Variants in TNFRSF8 observed in about 807,000 individuals in gnomAD.
TNFRSF8 encodes tumor necrosis factor receptor superfamily member 8.
Under a neutral mutation model 70.8 loss-of-function variants are expected in TNFRSF8, and 26 were observed. That is an observed-to-expected ratio of 0.37 (90% CI 0.27 to 0.51). TNFRSF8 has a LOEUF of 0.51. TNFRSF8 is among the 20% of genes least tolerant of loss of function. TNFRSF8 has a pLI of 0.94. For synonymous variants in TNFRSF8, 356 were observed against 339.2 expected (o/e 1.05, Z -0.54); for missense variants, 720 against 807.9 (o/e 0.89, Z 1.32).
chr1:12,095,292 T>TC (rs1199603797), intron 2 of TNFRSF8, among the ~76,000 whole-genome samples: 1 of 150,728 alleles, frequency 6.6e-6, no homozygotes, highest in East Asian at 1.9e-4. Flanking sequence ...ACTGTATCTT[T>TC]TTTTTTTTTT....
chr1:12,112,814 G>A lies in TNFRSF8; in HGVS notation c.793+800G>A, dbSNP rs756765087. On this transcript the variant is annotated intron_variant, in intron 7 of 14. Transcript: ENST00000263932. The surrounding 1 kb of genome is among the most constrained non-coding windows in gnomAD (Gnocchi z 5.3). ...GCGCCAGCAGCACCCCGAGGGGCAT[G>A]TGGGCAGGGGGTGTTGCTCAGGCCA... Among the ~76,000 whole-genome samples the A allele has an allele frequency of 1.3e-5, 2 of 152,232 alleles. No individual in the cohort carries two copies. The highest frequency in any genetic ancestry group is 2.9e-5 in the Non-Finnish European group (2 of 68,038).
intron 2 of TNFRSF8, among the ~76,000 whole-genome samples, chr1:12,093,251 AT>A (rs1316754542): frequency 6.6e-6 from 1 of 152,076 alleles, no homozygotes; most frequent in Non-Finnish European, 1.5e-5. Context: ...CAGCATATAT[AT>A]TTTTTTGGGG....
At chr1:12,116,891 C>T (rs926719984) in intron 8 of TNFRSF8, among the ~76,000 whole-genome samples, 3 of 152,128 alleles carry the variant, frequency 2.0e-5, no homozygotes, top group Middle Eastern at 3.4e-3. Flanking sequence ...TTCTAGGACC[C>T]CCAGAGAGGC....
chr1:12,105,939 C>CA (rs748432437), intron 4 of TNFRSF8, among the ~76,000 whole-genome samples: 11,227 of 64,522 alleles, frequency 0.17, 705 homozygotes, highest in African/African-American at 0.25. Context: ...GACTCCGTCT[C>CA]AAAAAAAAAA....
rs770035287 is a variant in TNFRSF8, at chr1:12,104,507, G to T, written c.397G>T (p.Ala133Ser). 3.1e-6 allele frequency: 5 copies of T among 1,614,056 alleles called. No individual in the cohort carries two copies. The highest frequency in any genetic ancestry group is 1.1e-5 in the South Asian group (1 of 91,074). The change falls in exon 4 of 15, where the codon GCA (alanine) becomes TCA (serine). Residue 133 changes from alanine to serine, a missense_variant. Physicochemically the swap from Ala to Ser is moderately conservative, Grantham distance 99. Transcript: ENST00000263932. ...CTGCTTCTTCCATTCTGTCTGTCCG[G>T]CAGGGATGATTGTCAAGTTCCCAGG... ...ARCFFHSVCP[A>S]GMIVKFPGTA...
intron 1 of TNFRSF8, among the ~76,000 whole-genome samples, chr1:12,070,017 T>C (rs1220852225): frequency 1.3e-5 from 2 of 150,644 alleles, no homozygotes; most frequent in African/African-American, 4.9e-5. Flanking sequence ...GGGAAGTGAG[T>C]GGAGAGGGGT....
In TNFRSF8 at chr1:12,130,452, G is replaced by A. The variant is rs1570075669; in HGVS notation, c.1309+4216G>A. Among the ~76,000 whole-genome samples the A allele has an allele frequency of 4.6e-5, 7 of 152,196 alleles. 1 individual carries two copies. In the South Asian group the frequency reaches 1.0e-3, roughly 23 times the overall value. The stretch of plus-strand genomic sequence containing the variant: ...AGCTTAACTTGTGTGCTCCTGCCCC[G>A]GCCCTGGAATCAGCTGCCTCTCCAA... On this transcript the variant is annotated intron_variant, in intron 12 of 14. Transcript: ENST00000263932.
At chr1:12,083,768 A>T (rs1641105174) in intron 1 of TNFRSF8, among the ~76,000 whole-genome samples, 1 of 152,270 alleles carries the variant, frequency 6.6e-6, no homozygotes, top group African/African-American at 2.4e-5. Flanking sequence ...CAATGGACAG[A>T]AATGAGCAAC....
intron 12 of TNFRSF8, among the ~76,000 whole-genome samples, chr1:12,126,814 G>A (rs1160231790): frequency 6.6e-6 from 1 of 152,270 alleles, no homozygotes; most frequent in Non-Finnish European, 1.5e-5. Flanking sequence ...CTACTTCAGA[G>A]GCTTGGCCTG....
chr1:12,133,219 G>A (rs923423766), intron 12 of TNFRSF8, among the ~76,000 whole-genome samples: 2 of 152,122 alleles, frequency 1.3e-5, no homozygotes, highest in Non-Finnish European at 2.9e-5. Context: ...TTAGAAAAAT[G>A]GAACCAGCCT....
intron 2 of TNFRSF8, among the ~76,000 whole-genome samples, chr1:12,090,321 C>CCCAT (rs150051433): frequency 4.7e-5 from 7 of 149,922 alleles, no homozygotes; most frequent in African/African-American, 7.5e-5. Flanking sequence ...TCCACCTTTC[C>CCCAT]CCATCCATCC....
Position 12,101,426 on chromosome 1 carries a change from C to CAAAA in TNFRSF8, c.269-2944_269-2941dup, listed in dbSNP as rs112614202. On this transcript the variant is annotated intron_variant, in intron 3 of 14. Coordinates refer to ENST00000263932, the MANE Select transcript of TNFRSF8 (RefSeq NM_001243.5). ...TGGGCAACAGAGCAAGACCCTGTTT[C>CAAAA]AAAAAAAAAAAATGATAAAAAGTAT... Among the ~76,000 whole-genome samples, 576 of 142,246 alleles carry CAAAA rather than the reference C, an allele frequency of 4.0e-3. 3 individuals are homozygous for CAAAA. The highest frequency in any genetic ancestry group is 0.014 in the African/African-American group (555 of 39,728). 93.3% of individuals were successfully genotyped at this position (142,246 alleles called of 152,430 possible).
rs759379615 is a variant in TNFRSF8 at position 12,087,415 on chromosome 1, G to A, written c.151+2864G>A. ...ACTCCTGACCTCCAGTGGTCTGCCCGCCTTGGCCTCATAAAGTGCTGGGAT... is the reference window on the plus strand; with the variant it reads ...ACTCCTGACCTCCAGTGGTCTGCCCACCTTGGCCTCATAAAGTGCTGGGAT... On this transcript the variant is annotated intron_variant, in intron 2 of 14. Transcript: ENST00000263932. 7.9e-5 allele frequency among the ~76,000 whole-genome samples: 12 copies of A among 152,188 alleles called. No individual in the cohort carries two copies. The South Asian group carries it at 8.3e-4, about 11-fold the overall frequency.
chr1:12,131,722 GA>G (rs1341782332), intron 12 of TNFRSF8, among the ~76,000 whole-genome samples: 3 of 151,842 alleles, frequency 2.0e-5, no homozygotes. Context: ...TCTAACTCCT[GA>G]GCTCAAGTGA....
At chr1:12,080,748 C>T (rs1243815543) in intron 1 of TNFRSF8, among the ~76,000 whole-genome samples, 4 of 152,068 alleles carry the variant, frequency 2.6e-5, no homozygotes, top group South Asian at 4.2e-4. Flanking sequence ...TTAGTAGAGA[C>T]GGGGTTTCGC....
intron 7 of TNFRSF8, 105 bp from the exon 8 acceptor site, chr1:12,115,472 T>G (rs1641710248): frequency 8.0e-7 from 1 of 1,249,166 alleles, no homozygotes; most frequent in African/African-American, 1.5e-5. Flanking sequence ...ATTTTCTTGT[T>G]GGATGACCCT....
chr1:12,075,650 C>T (rs752126356), intron 1 of TNFRSF8, among the ~76,000 whole-genome samples: 6 of 152,148 alleles, frequency 3.9e-5, no homozygotes, highest in Non-Finnish European at 8.8e-5. Context: ...TGTAAGGAGA[C>T]GTATATGAGC....
chr1:12,124,109 A>T (rs761640028), intron 10 of TNFRSF8, among the ~76,000 whole-genome samples: 1 of 152,052 alleles, frequency 6.6e-6, no homozygotes, highest in Non-Finnish European at 1.5e-5. Flanking sequence ...GGTTCAAGAG[A>T]TTCTCCTGTC....
Position 12,110,010 on chromosome 1 carries a change from T to C in TNFRSF8, c.513-31T>C. On this transcript the variant is annotated intron_variant, in intron 5 of 14. Transcript: ENST00000263932. The surrounding 1 kb of genome is among the most constrained non-coding windows in gnomAD (Gnocchi z 4.0). ...GGCCTCCCTTGCCCCATTGGCAGAA[T>C]TATCAGTCCCATCTCTGGCTTCTTC... is the stretch of plus-strand genomic sequence containing the variant. The C allele has an allele frequency of 1.2e-6, 2 of 1,606,990 alleles. No individual in the cohort carries two copies. Among genetic ancestry groups the C allele is most frequent in the South Asian group, 1.1e-5 (1 of 89,906 alleles).
Sources: allele counts gnomAD v4.1 joint callset (sites outside exome capture counted in the v4.1 genomes callset), GRCh38; gene constraint gnomAD v4.1.1; non-coding constraint Gnocchi (gnomAD v3.1); transcripts MANE v1.5; gene names NCBI Gene and HGNC (gene_info 2026-07-23, HGNC 2026-07-21).